The following ADAM22 variants were observed in gnomAD, a reference collection of about 807,000 sequenced individuals.
ADAM22 encodes the protein disintegrin and metalloproteinase domain-containing protein 22.
Under a neutral mutation model 144.6 loss-of-function variants are expected in ADAM22, and 65 were observed. That is an observed-to-expected ratio of 0.45 (90% confidence interval 0.37 to 0.55). The LOEUF (loss-of-function observed/expected upper bound fraction) is 0.55, where lower values mean the gene tolerates loss of function less well. Ranked by LOEUF, ADAM22 falls within the 20% of genes least tolerant of loss-of-function variation. ADAM22 has a pLI of 0.00. For synonymous variants in ADAM22, 391 were observed against 412.6 expected (o/e 0.95, Z 0.63); for missense variants, 974 against 1,184.9 (o/e 0.82, Z 2.61).
At position 88,165,923 on chromosome 7, in the gene ADAM22, C is replaced by G. The variant is rs1397706651; in HGVS notation, c.2168C>G (p.Thr723Ser). 1 of 1,610,736 alleles carries G rather than the reference C, an allele frequency of 6.2e-7. No individual in the cohort carries two copies. ...TTCCCTCACAATGATGATGCAAAGA[C>G]TGGTATCACTCTGTCTGGCAATGGT... ...TYFPHNDDAK[T>S]GITLSGNGVA... Residue 723 changes from threonine to serine, a missense_variant, in exon 24 of 32, where the codon ACT (threonine) becomes AGT (serine). This residue lies in a region of ADAM22 where 734 missense variants were observed against 950.6 expected (regional missense o/e 0.77). Transcript: ENST00000413139.
At chr7:88,021,063 A>G (rs145913050) in intron 3 of ADAM22, among the ~76,000 whole-genome samples, 339 of 152,292 alleles carry the variant, frequency 2.2e-3, no homozygotes, top group African/African-American at 8.0e-3. Context: ...TGTCTTCACT[A>G]ATTTTTCTCC....
intron 30 of ADAM22, among the ~76,000 whole-genome samples, chr7:88,187,328 C>T (rs1848544657): frequency 6.6e-6 from 1 of 152,098 alleles, no homozygotes; most frequent in Admixed American, 6.6e-5. Flanking sequence ...AGATTCTCAA[C>T]AAAGCATGTA....
chr7:87,972,574 GA>G (rs1318021761), intron 2 of ADAM22, among the ~76,000 whole-genome samples: 1 of 151,768 alleles, frequency 6.6e-6, no homozygotes, highest in Admixed American at 6.6e-5. Flanking sequence ...ACAGAATTGG[GA>G]AAAACTACTT....
chr7:88,126,359 G>C (rs1208349090), intron 8 of ADAM22, among the ~76,000 whole-genome samples: 1 of 151,902 alleles, frequency 6.6e-6, no homozygotes, highest in Non-Finnish European at 1.5e-5. Flanking sequence ...CAGGAGAGAT[G>C]GTTATTAAAA....
intron 2 of ADAM22, among the ~76,000 whole-genome samples, chr7:87,977,651 A>G (rs1852212418): frequency 6.6e-6 from 1 of 152,192 alleles, no homozygotes; most frequent in Admixed American, 6.5e-5. Context: ...TGCAAATATT[A>G]GTGCTATGGG....
At chr7:87,939,036 T>G (rs765355680) in intron 2 of ADAM22, among the ~76,000 whole-genome samples, 1 of 152,230 alleles carries the variant, frequency 6.6e-6, no homozygotes, top group Non-Finnish European at 1.5e-5. Flanking sequence ...CACAGTTTTC[T>G]TTTAAGGAAT....
At chr7:87,975,213 C>G (rs1851625325) in intron 2 of ADAM22, among the ~76,000 whole-genome samples, 4 of 152,192 alleles carry the variant, frequency 2.6e-5, no homozygotes, top group Admixed American at 2.6e-4. Flanking sequence ...TCCATCTTCC[C>G]TGGTCATTCT....
At chr7:88,082,530 C>T (rs373332163) in intron 4 of ADAM22, among the ~76,000 whole-genome samples, 16 of 152,020 alleles carry the variant, frequency 1.1e-4, no homozygotes, top group Non-Finnish European at 2.1e-4. Flanking sequence ...CAAAAGAAAC[C>T]ACCATCAGAG....
intron 3 of ADAM22, among the ~76,000 whole-genome samples, chr7:88,064,602 CA>C (rs1810729015): frequency 2.0e-5 from 3 of 152,204 alleles, no homozygotes; most frequent in Admixed American, 2.0e-4. Flanking sequence ...TCACTGCTTC[CA>C]AGATGGTGCC....
chr7:88,085,204 C>T (rs1240831638), intron 4 of ADAM22, among the ~76,000 whole-genome samples: 1 of 152,134 alleles, frequency 6.6e-6, no homozygotes, highest in Non-Finnish European at 1.5e-5. Flanking sequence ...TGGCTTTTCT[C>T]TTGGGACTGA....
rs1422808483 is a variant in ADAM22 at position 87,934,259 on chromosome 7, G to A, written c.-207G>A. The A allele has an allele frequency of 5.9e-6, 3 of 506,816 alleles. No homozygotes were observed. In the East Asian group the frequency reaches 1.1e-4, roughly 18 times the overall value. The allele number at this position is 506,816 out of a possible 1,614,324, so 31.4% of individuals were successfully genotyped here. A position where few individuals can be genotyped will look rare whatever the true frequency, so the allele number is the denominator to read the frequency against. On this transcript the variant is annotated 5_prime_UTR_variant, in exon 1 of 32. Coordinates refer to ENST00000413139, the MANE Select transcript of ADAM22 (RefSeq NM_001324418.2). Reference sequence around the variant, plus strand: ...CAACCGCCCAATGCAGCACTCGCTCGCTCCCCCCGCCAGCGGAAGCGTCCG... The same window carrying A: ...CAACCGCCCAATGCAGCACTCGCTCACTCCCCCCGCCAGCGGAAGCGTCCG...
intron 8 of ADAM22, among the ~76,000 whole-genome samples, chr7:88,127,354 GTGGCTAATA>G (rs1268263917): frequency 6.6e-6 from 1 of 151,864 alleles, no homozygotes; most frequent in Non-Finnish European, 1.5e-5. Flanking sequence ...ATAAAACTGT[GTGGCTAATA>G]TGGCAACTCT....
intron 2 of ADAM22, among the ~76,000 whole-genome samples, chr7:87,957,502 T>G (rs954810647): frequency 6.6e-6 from 1 of 152,188 alleles, no homozygotes; most frequent in African/African-American, 2.4e-5. Context: ...TCTCTTGCCC[T>G]TCTGTTTTCC....
chr7:88,108,710 T>C (rs1242055208), intron 5 of ADAM22, among the ~76,000 whole-genome samples: 8 of 149,538 alleles, frequency 5.3e-5, no homozygotes, highest in South Asian at 2.2e-4. Flanking sequence ...GCCTGTGGGA[T>C]AGAGCGAGAC....
At chr7:88,127,096 G>A (rs959439511) in intron 8 of ADAM22, among the ~76,000 whole-genome samples, 1 of 149,536 alleles carries the variant, frequency 6.7e-6, no homozygotes, top group Non-Finnish European at 1.5e-5. Context: ...ATATGTGTGT[G>A]TATATATATA....
At chr7:87,981,578 A>C (rs932626195) in intron 3 of ADAM22, among the ~76,000 whole-genome samples, 4 of 152,128 alleles carry the variant, frequency 2.6e-5, no homozygotes, top group African/African-American at 9.7e-5. Context: ...AAGCAGAAGC[A>C]GGGTTAGACA....
intron 30 of ADAM22, 84 bp downstream of exon 30, chr7:88,186,785 T>C (rs1848425771): frequency 2.4e-6 from 2 of 836,782 alleles, no homozygotes; most frequent in Non-Finnish European, 3.9e-6. Context: ...CTCTATCTTG[T>C]ATCTCCCAAT....
At chr7:88,187,664 C>T (rs1332492800) in intron 30 of ADAM22, among the ~76,000 whole-genome samples, 2 of 152,152 alleles carry the variant, frequency 1.3e-5, no homozygotes, top group Non-Finnish European at 2.9e-5. Context: ...CACAATTTTA[C>T]AATAAACTTT....
chr7:88,080,810 T>C (rs188301258), intron 4 of ADAM22, among the ~76,000 whole-genome samples: 2 of 152,278 alleles, frequency 1.3e-5, no homozygotes, highest in Admixed American at 1.3e-4. Flanking sequence ...AGAAGTTGAA[T>C]CTCTGAATAG....
Sources: gnomAD v4.1 joint callset for allele counts (sites outside exome capture counted in the v4.1 genomes callset) on GRCh38, gnomAD v4.1.1 for gene constraint, gnomAD v4.1.1 regional missense constraint, MANE v1.5 for transcripts, NCBI Gene and HGNC (gene_info 2026-07-23, HGNC 2026-07-21) for gene names.